The following ACER2 variants were observed in gnomAD, a reference collection of about 807,000 sequenced individuals.
ACER2 encodes alkCDase 2.
In ACER2, 26 loss-of-function variants were observed where a neutral mutation model predicts 34.7. The observed-to-expected ratio is 0.75, with a 90% CI of 0.55 to 1.04. ACER2 has a LOEUF of 1.04. ACER2 is among the 50% of genes least tolerant of loss of function. The pLI, the probability that ACER2 is intolerant of heterozygous loss-of-function variation, is 0.00. For synonymous variants in ACER2, 138 were observed against 132.1 expected (o/e 1.04, Z -0.31); for missense variants, 352 against 340.8 (o/e 1.03, Z -0.26).
At chr9:19,411,496 A>G (rs986416081) in intron 1 of ACER2, among the ~76,000 whole-genome samples, 5 of 152,144 alleles carry the variant, frequency 3.3e-5, no homozygotes, top group African/African-American at 1.2e-4. Context: ...CGATCCTCCC[A>G]AAGTGCTGGG....
chr9:19,419,640 G>T (rs1052822258), intron 1 of ACER2, among the ~76,000 whole-genome samples: 2 of 152,140 alleles, frequency 1.3e-5, no homozygotes, highest in Admixed American at 1.3e-4. Flanking sequence ...GCAGGCGCCT[G>T]TAATCCCAGC....
At chr9:19,415,443 C>T (rs577617527) in intron 1 of ACER2, among the ~76,000 whole-genome samples, 1 of 151,786 alleles carries the variant, frequency 6.6e-6, no homozygotes, top group South Asian at 2.1e-4. Flanking sequence ...TGCAGTTAGC[C>T]AAGATTTCGC....
chr9:19,417,754 C>T (rs1038137198), intron 1 of ACER2, among the ~76,000 whole-genome samples: 1 of 151,948 alleles, frequency 6.6e-6, no homozygotes. Flanking sequence ...CCATGAAAAC[C>T]CTAGAAGGAA....
chr9:19,441,118 C>T (rs1422675921), intron 4 of ACER2, among the ~76,000 whole-genome samples: 1 of 150,462 alleles, frequency 6.6e-6, no homozygotes, highest in Admixed American at 6.6e-5. Flanking sequence ...CATGATCTCA[C>T]AGCTCACTGC....
chr9:19,411,952 G>A (rs780050652), intron 1 of ACER2, among the ~76,000 whole-genome samples: 6 of 152,130 alleles, frequency 3.9e-5, no homozygotes, highest in Non-Finnish European at 8.8e-5. Context: ...ATGGAAATTG[G>A]GGCCTAGAGA....
At chr9:19,444,693 G>C (rs1410926728) in intron 4 of ACER2, among the ~76,000 whole-genome samples, 1 of 152,206 alleles carries the variant, frequency 6.6e-6, no homozygotes, top group Non-Finnish European at 1.5e-5. Flanking sequence ...GAGAAGGAGA[G>C]GGTGGGTCAA....
At chr9:19,413,482 C>T (rs373979713) in intron 1 of ACER2, among the ~76,000 whole-genome samples, 18 of 152,032 alleles carry the variant, frequency 1.2e-4, no homozygotes, top group Admixed American at 3.9e-4. Flanking sequence ...TGCCTGTAGT[C>T]CCAGCTACTA....
chr9:19,450,426 C>T (rs1460321609), intron 5 of ACER2, 24 bp from the exon 6 acceptor site: 2 of 1,565,876 alleles, frequency 1.3e-6, no homozygotes, highest in East Asian at 2.3e-5. Context: ...TCATCAGGTT[C>T]TCACCTCTTG....
intron 3 of ACER2, among the ~76,000 whole-genome samples, chr9:19,429,016 C>T (rs1460687368): frequency 6.6e-6 from 1 of 151,984 alleles, no homozygotes; most frequent in Non-Finnish European, 1.5e-5. Context: ...TCTCGAACTC[C>T]TGACCTCATG....
At chr9:19,436,364 G>T (rs1287340555) in intron 4 of ACER2, among the ~76,000 whole-genome samples, 1 of 151,826 alleles carries the variant, frequency 6.6e-6, no homozygotes, top group African/African-American at 2.4e-5. Flanking sequence ...GGAGAATATA[G>T]ACAAGCAAAA....
chr9:19,445,160 G>A (rs903305622), intron 4 of ACER2, among the ~76,000 whole-genome samples: 1 of 152,200 alleles, frequency 6.6e-6, no homozygotes, highest in Non-Finnish European at 1.5e-5. Context: ...CTGCCCCCAG[G>A]TGTTCGTCCC....
intron 1 of ACER2, among the ~76,000 whole-genome samples, chr9:19,421,065 A>G (rs573435065): frequency 1.3e-5 from 2 of 152,230 alleles, no homozygotes; most frequent in Non-Finnish European, 2.9e-5. Context: ...CTCATAGGCT[A>G]TAAACCTGTA....
chr9:19,425,128 TG>T (rs1379345234), intron 3 of ACER2, among the ~76,000 whole-genome samples: 1 of 152,132 alleles, frequency 6.6e-6, no homozygotes, highest in Non-Finnish European at 1.5e-5. Flanking sequence ...AGACCTTCAG[TG>T]GGGGTGACAT....
intron 5 of ACER2, among the ~76,000 whole-genome samples, chr9:19,446,801 A>T (rs1442062714): frequency 5.3e-5 from 8 of 152,110 alleles, no homozygotes; most frequent in African/African-American, 1.9e-4. Flanking sequence ...GAGGGTCCTC[A>T]GTGGGAACCC....
rs529674823 is a variant in ACER2 at position 19,446,989 on chromosome 9, A to T, written c.641+571A>T. Among the ~76,000 whole-genome samples, 4 of 152,136 alleles carry T rather than the reference A, an allele frequency of 2.6e-5. No homozygotes were observed. The South Asian group carries it at 8.3e-4, about 32-fold the overall frequency. On this transcript the variant is annotated intron_variant, in intron 5 of 5. Transcript: ENST00000340967. ...TTGGAGTTCAGTAATAGCACATTGG[A>T]GCGTCTATACTTTGGAATGCTCAGG...
At chr9:19,436,334 TA>T (rs967107672) in intron 4 of ACER2, among the ~76,000 whole-genome samples, 2 of 152,218 alleles carry the variant, frequency 1.3e-5, no homozygotes, top group African/African-American at 2.4e-5. Context: ...AAGTAGCTCA[TA>T]TTTTTTTGTA....
chr9:19,434,221 C>G (rs917649937), intron 3 of ACER2, among the ~76,000 whole-genome samples: 4 of 151,710 alleles, frequency 2.6e-5, no homozygotes, highest in East Asian at 1.9e-4. Context: ...TGATGGCGGC[C>G]GGGAAGAGGC....
intron 3 of ACER2, among the ~76,000 whole-genome samples, chr9:19,434,128 C>T (rs1417435765): frequency 6.8e-6 from 1 of 147,524 alleles, no homozygotes; most frequent in Non-Finnish European, 1.5e-5. Context: ...TCCTCACATC[C>T]CAGACAGGGC....
chr9:19,431,068 G>A (rs1830740418), intron 3 of ACER2, among the ~76,000 whole-genome samples: 1 of 152,126 alleles, frequency 6.6e-6, no homozygotes, highest in Non-Finnish European at 1.5e-5. Context: ...ACTCTGTGGA[G>A]CCTTTGGTGA....
Sources: allele counts gnomAD v4.1 joint callset (sites outside exome capture counted in the v4.1 genomes callset), GRCh38; gene constraint gnomAD v4.1.1; transcripts MANE v1.5; gene names NCBI Gene and HGNC (gene_info 2026-07-23, HGNC 2026-07-21).